The following BFSP1 variants were observed in gnomAD, a reference collection of about 807,000 sequenced individuals.
BFSP1 encodes the protein filensin.
A neutral mutation model predicts 43.9 loss-of-function variants in BFSP1; 38 were observed. That is an observed-to-expected ratio of 0.87 (90% CI 0.67 to 1.14). BFSP1 has a LOEUF of 1.14. BFSP1 is among the 50% of genes most tolerant of loss of function. BFSP1 has a pLI of 0.00. For synonymous variants in BFSP1, 352 were observed against 354.8 expected (o/e 0.99, Z 0.09); for missense variants, 850 against 875.1 (o/e 0.97, Z 0.36).
intron 5 of BFSP1, among the ~76,000 whole-genome samples, chr20:17,501,802 A>T (rs1362560623): frequency 6.6e-6 from 1 of 152,108 alleles, no homozygotes; most frequent in Admixed American, 6.5e-5. Flanking sequence ...GAGTTATAGG[A>T]CCAGGGGTGG....
At chr20:17,551,812 G>C (rs368174944) in intron 1 of BFSP1, among the ~76,000 whole-genome samples, 1 of 151,914 alleles carries the variant, frequency 6.6e-6, no homozygotes, top group Non-Finnish European at 1.5e-5. Context: ...GTGAAACCTC[G>C]TCTCTACTAA....
At position 17,531,241 on chromosome 20, in the gene BFSP1, G is replaced by C; in HGVS notation, c.89C>G (p.Pro30Arg). 7.1e-7 allele frequency: 1 copy of C among 1,408,036 alleles called. No homozygotes were observed. The highest frequency in any genetic ancestry group is 9.2e-7 in the Non-Finnish European group (1 of 1,081,286). The allele number at this position is 1,408,036 out of a possible 1,614,324, so 87.2% of individuals were successfully genotyped here. A position where few individuals can be genotyped will look rare whatever the true frequency, so the allele number is the denominator to read the frequency against. Residue 30 changes from proline to arginine, a missense_variant, in exon 1 of 8, where the codon CCG (proline) becomes CGG (arginine). Physicochemically the swap from Pro to Arg is moderately radical, Grantham distance 103. Coordinates refer to ENST00000377873, the MANE Select transcript of BFSP1 (RefSeq NM_001195.5). Reference protein sequence around the residue: ...EASRAAEPERPADEGWAGATS... With the variant: ...EASRAAEPERRADEGWAGATS... ...TGCCCCAGCCCAGCCCTCGTCGGCC[G>C]GGCGCTCGGGCTCGGCGGCGCGCGA...
rs552168657 is a variant in BFSP1, at chr20:17,529,518, G to T, written c.377+1435C>A. Among the ~76,000 whole-genome samples the T allele has an allele frequency of 3.2e-3, 483 of 152,114 alleles. 1 individual carries two copies. Among genetic ancestry groups the T allele is most frequent in the Non-Finnish European group, 4.4e-3 (297 of 67,970 alleles). The stretch of plus-strand genomic sequence containing the variant: ...CATTGGGGCATGTGCCTGTGTGTGT[G>T]TCTGTGTGTGTGTGTCTTTGTGTGT... On this transcript the variant is annotated intron_variant, in intron 1 of 7. Coordinates refer to ENST00000377873, the MANE Select transcript of BFSP1 (RefSeq NM_001195.5).
intron 6 of BFSP1, among the ~76,000 whole-genome samples, chr20:17,498,134 T>C (rs545597415): frequency 1.3e-5 from 2 of 152,296 alleles, no homozygotes; most frequent in African/African-American, 4.8e-5. Flanking sequence ...TGTGGGGGGC[T>C]TCTCTTTTCA....
At chr20:17,503,140 T>G (rs936072419) in intron 5 of BFSP1, among the ~76,000 whole-genome samples, 3 of 152,182 alleles carry the variant, frequency 2.0e-5, no homozygotes, top group Non-Finnish European at 2.9e-5. Context: ...CCCCACACCT[T>G]TGTCTCCTCA....
chr20:17,528,222 CA>C (rs1251930902), intron 1 of BFSP1, among the ~76,000 whole-genome samples: 1 of 152,158 alleles, frequency 6.6e-6, no homozygotes, highest in Non-Finnish European at 1.5e-5. Context: ...AAAACTTCTC[CA>C]AGGGGGCAAA....
At chr20:17,510,882 C>T (rs964463063) in intron 4 of BFSP1, among the ~76,000 whole-genome samples, 2 of 152,178 alleles carry the variant, frequency 1.3e-5, no homozygotes, top group Admixed American at 1.3e-4. Flanking sequence ...TCCACCAAAC[C>T]CTGTAGTAGC....
intron 3 of BFSP1, among the ~76,000 whole-genome samples, chr20:17,514,152 G>A (rs1410595332): frequency 2.6e-5 from 4 of 152,232 alleles, no homozygotes; most frequent in Admixed American, 6.5e-5. Flanking sequence ...TCACTGCTGG[G>A]AAGGAGAGCC....
intron 1 of BFSP1, among the ~76,000 whole-genome samples, chr20:17,556,602 A>C (rs16999401): frequency 0.081 from 12,259 of 152,190 alleles, 697 homozygotes; most frequent in East Asian, 0.32. Context: ...AAATAAGCAA[A>C]ACCTGGAAGG....
At position 17,548,180 on chromosome 20, in the gene BFSP1, C is replaced by CAAAA. The variant is rs11470598; in HGVS notation, c.2+10504_2+10507dup. On this transcript the variant is annotated intron_variant, in intron 1 of 7. Coordinates refer to the BFSP1 transcript ENST00000377868. ...CTAGTCCAAATTGCAGAAAATAATG[C>CAAAA]AAAAAAAAAAAAAAAAAAAGAAAAA... 1.5e-3 allele frequency among the ~76,000 whole-genome samples: 179 copies of CAAAA among 119,836 alleles called. 1 individual carries two copies. Among genetic ancestry groups the CAAAA allele is most frequent in the Non-Finnish European group, 2.5e-3 (151 of 59,920 alleles). 78.6% of individuals were successfully genotyped at this position (119,836 alleles called of 152,430 possible). A position where few individuals can be genotyped will look rare whatever the true frequency, so the allele number is the denominator to read the frequency against.
At chr20:17,513,220 C>A (rs532850919) in intron 3 of BFSP1, among the ~76,000 whole-genome samples, 15 of 152,190 alleles carry the variant, frequency 9.9e-5, no homozygotes, top group Non-Finnish European at 1.5e-4. Flanking sequence ...GCTCCCTGCC[C>A]TGTCCTGCCC....
At chr20:17,528,533 T>C (rs541613055) in intron 1 of BFSP1, among the ~76,000 whole-genome samples, 1 of 152,346 alleles carries the variant, frequency 6.6e-6, no homozygotes, top group South Asian at 2.1e-4. Flanking sequence ...TTCATCTGAA[T>C]GAGGTCCTAT....
At chr20:17,557,408 C>T (rs1239385112) in intron 1 of BFSP1, among the ~76,000 whole-genome samples, 3 of 152,324 alleles carry the variant, frequency 2.0e-5, no homozygotes. Flanking sequence ...CTCTCCCCTA[C>T]CTCAAGGGGG....
intron 1 of BFSP1, among the ~76,000 whole-genome samples, chr20:17,566,139 A>G (rs2035116311): frequency 2.2e-5 from 3 of 135,330 alleles, no homozygotes; most frequent in Non-Finnish European, 4.9e-5. Context: ...AAAAAAAAAA[A>G]AGACTACTGA....
At chr20:17,559,935 A>G (rs1389992120), upstream of BFSP1, among the ~76,000 whole-genome samples, 1 of 152,156 alleles carries the variant, frequency 6.6e-6, no homozygotes, top group African/African-American at 2.4e-5. Context: ...GGCAGTGGAA[A>G]TATTGGAGCA....
At chr20:17,514,484 T>C (rs1193810967) in intron 3 of BFSP1, among the ~76,000 whole-genome samples, 1 of 152,214 alleles carries the variant, frequency 6.6e-6, no homozygotes, top group Non-Finnish European at 1.5e-5. Context: ...CTGTACAATA[T>C]AGATACTAGT....
At chr20:17,529,756 G>T (rs1480221447) in intron 1 of BFSP1, among the ~76,000 whole-genome samples, 1 of 152,064 alleles carries the variant, frequency 6.6e-6, no homozygotes, top group East Asian at 1.9e-4. Flanking sequence ...TTGCACACCT[G>T]CTGGAGTGTA....
At chr20:17,557,827 A>G (rs2035018424) in intron 1 of BFSP1, among the ~76,000 whole-genome samples, 1 of 152,222 alleles carries the variant, frequency 6.6e-6, no homozygotes, top group Admixed American at 6.5e-5. Context: ...GTTATGCAGG[A>G]AAACCCAGCT....
chr20:17,522,598 TCCATGCAC>T (rs2034340795), intron 2 of BFSP1, among the ~76,000 whole-genome samples: 1 of 152,208 alleles, frequency 6.6e-6, no homozygotes. Flanking sequence ...ATATCACTCC[TCCATGCAC>T]TTTCTAAAGT....
Sources: gnomAD v4.1 joint callset for allele counts (sites outside exome capture counted in the v4.1 genomes callset) on GRCh38, gnomAD v4.1.1 for gene constraint, MANE v1.5 for transcripts, NCBI Gene and HGNC (gene_info 2026-07-23, HGNC 2026-07-21) for gene names.